The following ITGA4 variants were observed in gnomAD, a reference collection of about 807,000 sequenced individuals.
ITGA4 encodes the protein integrin alpha-4.
A neutral mutation model predicts 133.6 loss-of-function variants in ITGA4; 63 were observed. The ratio of observed to expected loss-of-function variants is 0.47; its 90% CI spans 0.38 to 0.58. ITGA4 has a LOEUF of 0.58. ITGA4 is among the 20% of genes least tolerant of loss of function. The pLI is 0.00. For missense variants in ITGA4, 1,076 were observed against 1,252.7 expected, an observed-to-expected ratio of 0.86 and a Z score of 2.13; for synonymous variants, 483 against 438.0, an observed-to-expected ratio of 1.10 and a Z score of -1.28.
At chr2:181,486,990 C>T (rs1407702418) in intron 10 of ITGA4, among the ~76,000 whole-genome samples, 1 of 152,072 alleles carries the variant, frequency 6.6e-6, no homozygotes, top group African/African-American at 2.4e-5. Context: ...ATATAAAATG[C>T]ATTATTCTAC....
rs757031312 is a variant in ITGA4 at position 181,538,174 on chromosome 2, C to CAATT, written c.*2649_*2652dup. ...CTAGTTTGTACATTTCTTTTAGAAA[C>CAATT]AATTACATGTTACTTTGGAATCATT... On this transcript the variant is annotated 3_prime_UTR_variant, in exon 28 of 28. Coordinates refer to ENST00000397033, the MANE Select transcript of ITGA4 (RefSeq NM_000885.6). 5.7e-5 allele frequency: 87 copies of CAATT among 1,535,626 alleles called. No individual in the cohort carries two copies. The highest frequency in any genetic ancestry group is 7.6e-5 in the Non-Finnish European group (84 of 1,110,574).
chr2:181,532,533 T>G (rs1196888968), intron 25 of ITGA4, among the ~76,000 whole-genome samples: 2 of 152,218 alleles, frequency 1.3e-5, no homozygotes, highest in African/African-American at 4.8e-5. Context: ...AATTCACTCA[T>G]GATTTGGCTC....
In ITGA4 at chr2:181,537,408, G is replaced by A. The variant is rs1488927390; in HGVS notation, c.*1881G>A. 6.7e-6 allele frequency: 3 copies of A among 449,526 alleles called. No homozygotes were observed. The highest frequency in any genetic ancestry group is 4.7e-5 in the South Asian group (3 of 64,156). 27.8% of individuals were successfully genotyped at this position (449,526 alleles called of 1,614,324 possible). A position where few individuals can be genotyped will look rare whatever the true frequency, so the allele number is the denominator to read the frequency against. On this transcript the variant is annotated 3_prime_UTR_variant, in exon 28 of 28. Coordinates refer to ENST00000397033, the MANE Select transcript of ITGA4 (RefSeq NM_000885.6). ...GCTAGATTTTGCCCAGTTCAAAATA[G>A]TATTTGTTATCAACTTACTTTGTTA...
At chr2:181,505,689 G>A (rs1309843108) in intron 15 of ITGA4, among the ~76,000 whole-genome samples, 2 of 152,082 alleles carry the variant, frequency 1.3e-5, no homozygotes, top group Admixed American at 1.3e-4. Context: ...TTGCAAGAGT[G>A]CATGTACATT....
chr2:181,518,058 G>T (rs1281861490), intron 17 of ITGA4, among the ~76,000 whole-genome samples: 1 of 151,906 alleles, frequency 6.6e-6, no homozygotes, highest in Non-Finnish European at 1.5e-5. Flanking sequence ...TTTGGGGTGG[G>T]GGGGCAGGAT....
At chr2:181,458,168 G>C in intron 1 of ITGA4, 28 bp from the exon 2 acceptor site, 1 of 1,613,806 alleles carries the variant, frequency 6.2e-7, no homozygotes, top group Non-Finnish European at 8.5e-7. Context: ...GCTCACGTCT[G>C]AGCGCACGTG....
chr2:181,459,554 C>T (rs1333248489), intron 2 of ITGA4, among the ~76,000 whole-genome samples: 1 of 152,140 alleles, frequency 6.6e-6, no homozygotes, highest in Non-Finnish European at 1.5e-5. Flanking sequence ...TAACTCAGAG[C>T]ACCTATAAAA....
intron 2 of ITGA4, among the ~76,000 whole-genome samples, chr2:181,474,355 T>A (rs1685625707): frequency 6.6e-6 from 1 of 152,230 alleles, no homozygotes; most frequent in Non-Finnish European, 1.5e-5. Context: ...TAATCTGGTT[T>A]CCAAATCACT....
In ITGA4 at chr2:181,536,500, G is replaced by A. The variant is rs1048146440; in HGVS notation, c.*973G>A. On this transcript the variant is annotated 3_prime_UTR_variant, in exon 28 of 28. Coordinates refer to ENST00000397033, the MANE Select transcript of ITGA4 (RefSeq NM_000885.6). ...TGTATTATGTACTATGTAAAATATT[G>A]ACTATCACACAACTATTTCCTTGGA... 6.6e-6 allele frequency among the ~76,000 whole-genome samples: 1 copy of A among 151,820 alleles called. No homozygotes were observed. The highest frequency in any genetic ancestry group is 1.5e-5 in the Non-Finnish European group (1 of 67,942).
chr2:181,462,882 G>A (rs1259086584), intron 2 of ITGA4, among the ~76,000 whole-genome samples: 1 of 152,170 alleles, frequency 6.6e-6, no homozygotes, highest in Non-Finnish European at 1.5e-5. Flanking sequence ...CGTTGCACAT[G>A]TGGGTAATTT....
intron 18 of ITGA4, 83 bp downstream of exon 18, chr2:181,522,424 C>T (rs1294405225): frequency 2.1e-6 from 2 of 945,622 alleles, no homozygotes; most frequent in African/African-American, 3.3e-5. Context: ...ATTCACTTCA[C>T]TGATTTGGGG....
intron 2 of ITGA4, among the ~76,000 whole-genome samples, chr2:181,470,596 G>A (rs560772597): frequency 6.6e-6 from 1 of 152,272 alleles, no homozygotes; most frequent in Non-Finnish European, 1.5e-5. Flanking sequence ...AGTACTGAGT[G>A]GAAAAGGAGT....
chr2:181,502,994 C>A (rs976434191), intron 15 of ITGA4, among the ~76,000 whole-genome samples: 1 of 151,802 alleles, frequency 6.6e-6, no homozygotes, highest in Non-Finnish European at 1.5e-5. Flanking sequence ...GGGGGCACAC[C>A]AAGACGGTGA....
Position 181,495,886 on chromosome 2 carries a change from G to A in ITGA4, c.1489G>A (p.Asp497Asn), listed in dbSNP as rs939753024. Residue 497 changes from aspartate to asparagine, a missense_variant, in exon 14 of 28, where the codon GAT (aspartate) becomes AAT (asparagine). This residue lies in a region of ITGA4 where 436 missense variants were observed against 590.7 expected (regional missense o/e 0.74). Transcript: ENST00000397033. The surrounding 1 kb of genome is among the most constrained non-coding windows in gnomAD (Gnocchi z 4.3). ...AAATGGATGGCCTTCTGTGTGCATAGATCTAACACTTTGTTTCTCATATAA... is the reference window on the plus strand; with the variant it reads ...AAATGGATGGCCTTCTGTGTGCATAAATCTAACACTTTGTTTCTCATATAA... ...VENGWPSVCI[D>N]LTLCFSYKGK... is the part of the protein sequence containing the mutation. The A allele has an allele frequency of 3.1e-6, 5 of 1,613,904 alleles. No individual in the cohort carries two copies. In the African/African-American group the frequency reaches 4.0e-5, roughly 13 times the overall value.
intron 17 of ITGA4, among the ~76,000 whole-genome samples, chr2:181,521,312 G>T (rs2105764299): frequency 6.6e-6 from 1 of 152,256 alleles, no homozygotes; most frequent in East Asian, 1.9e-4. Flanking sequence ...GTAGAAATTT[G>T]CAATTGTTTC....
chr2:181,469,472 G>A (rs1685495259), intron 2 of ITGA4, among the ~76,000 whole-genome samples: 1 of 152,148 alleles, frequency 6.6e-6, no homozygotes, highest in African/African-American at 2.4e-5. Context: ...TGATGGGACT[G>A]TAAACTAGTT....
intron 15 of ITGA4, among the ~76,000 whole-genome samples, chr2:181,500,949 C>T (rs565711055): frequency 2.8e-4 from 43 of 152,146 alleles, no homozygotes; most frequent in African/African-American, 1.0e-3. Flanking sequence ...GGGCAGAGTA[C>T]AGAAATGTGC....
At chr2:181,506,039 T>TA (rs2105753068) in intron 15 of ITGA4, among the ~76,000 whole-genome samples, 1 of 152,240 alleles carries the variant, frequency 6.6e-6, no homozygotes, top group East Asian at 1.9e-4. Flanking sequence ...GATGATCACT[T>TA]ACCAAGTAAT....
Position 181,534,254 on chromosome 2 carries a change from C to A in ITGA4, c.2785-18C>A. On this transcript the variant is annotated intron_variant, in intron 25 of 27. Transcript: ENST00000397033. ...ATGAAATAAACCAGGCTATGGTGAT[C>A]CTTCTTTTATTAAACAGGATGAGAC... is the stretch of plus-strand genomic sequence containing the variant. 1.4e-6 allele frequency: 2 copies of A among 1,460,296 alleles called. No homozygotes were observed. Among genetic ancestry groups the A allele is most frequent in the Non-Finnish European group, 1.9e-6 (2 of 1,040,926 alleles). The allele number at this position is 1,460,296 out of a possible 1,614,324, so 90.5% of individuals were successfully genotyped here. A position where few individuals can be genotyped will look rare whatever the true frequency, so the allele number is the denominator to read the frequency against.
Sources: gnomAD v4.1 joint callset for allele counts (sites outside exome capture counted in the v4.1 genomes callset) on GRCh38, gnomAD v4.1.1 for gene constraint, gnomAD v4.1.1 regional missense constraint, Gnocchi (gnomAD v3.1) non-coding constraint, MANE v1.5 for transcripts, NCBI Gene and HGNC (gene_info 2026-07-23, HGNC 2026-07-21) for gene names.